MAP3K12: variants seen among roughly 807,000 people sequenced by gnomAD.
MAP3K12 encodes the protein MAPK-upstream kinase.
MAP3K12 carries 14 observed loss-of-function variants against 87.5 expected under a neutral mutation model. That is an observed-to-expected ratio of 0.16 (90% confidence interval 0.11 to 0.25). MAP3K12 has a LOEUF of 0.25. Among genes scored for constraint, MAP3K12 ranks in the 10% least tolerant of loss-of-function variants. The probability of loss-of-function intolerance (pLI) is 1.00; values close to 1 mark genes in which losing one functional copy is unlikely to be tolerated. For synonymous variants in MAP3K12, 469 were observed against 452.5 expected (o/e 1.04, Z -0.46); for missense variants, 802 against 1,140.4 (o/e 0.70, Z 4.27).
chr12:53,501,413 G>A (rs1468741558), upstream of MAP3K12: 6 of 1,565,646 alleles, frequency 3.8e-6, no homozygotes, highest in African/African-American at 1.4e-5. Context: ...GAGGGAATGA[G>A]TGAAGAGGAG....
Position 53,483,894 on chromosome 12 carries a change from C to T in MAP3K12, c.1358+17G>A. On this transcript the variant is annotated intron_variant, in intron 8 of 13. Coordinates refer to ENST00000547488, the MANE Select transcript of MAP3K12 (RefSeq NM_001193511.2). The stretch of plus-strand genomic sequence containing the variant: ...CTTGCTGTTAGTAAAATCACCTCCC[C>T]AAGCACGGGAACTCACCTGAGCTCC... The T allele has an allele frequency of 6.2e-7, 1 of 1,613,636 alleles. No homozygotes were observed. Among genetic ancestry groups the T allele is most frequent in the Middle Eastern group, 1.7e-4 (1 of 6,060 alleles).
At chr12:53,495,260 A>T (rs757728945) in intron 1 of MAP3K12, among the ~76,000 whole-genome samples, 4 of 136,422 alleles carry the variant, frequency 2.9e-5, no homozygotes, top group Non-Finnish European at 4.6e-5. Context: ...AATGGCGTGA[A>T]CCCAGGGGGC....
At chr12:53,489,743 ACT>A (rs1049200547) in intron 1 of MAP3K12, among the ~76,000 whole-genome samples, 1 of 151,992 alleles carries the variant, frequency 6.6e-6, no homozygotes, top group Non-Finnish European at 1.5e-5. Context: ...GGCTTGGGAA[ACT>A]CTGATAGTTC....
upstream of MAP3K12, chr12:53,501,302 C>A: frequency 7.6e-7 from 1 of 1,309,834 alleles, no homozygotes; most frequent in Non-Finnish European, 1.1e-6. Flanking sequence ...CGCGGCGGGC[C>A]CTACCGGCCG....
rs1282381373 is a variant in MAP3K12 at position 53,487,125 on chromosome 12, C to T, written c.267G>A (p.Gly89=). 6.2e-6 allele frequency: 10 copies of T among 1,614,036 alleles called. No individual in the cohort carries two copies. The highest frequency in any genetic ancestry group is 1.3e-5 in the African/African-American group (1 of 75,012). The change falls in exon 2 of 14, where the codon GGG becomes GGA. Residue 89 remains glycine, a synonymous_variant. Transcript: ENST00000547488. ...SVLQLHEQDA[G]GPGGAAGSPE... is the part of the protein sequence containing the mutation. Reference sequence around the variant, plus strand: ...GTGACCCAGCTGCTCCCCCTGGGCCCCCTGCATCCTGCTCATGTAGCTGCA... The same window carrying T: ...GTGACCCAGCTGCTCCCCCTGGGCCTCCTGCATCCTGCTCATGTAGCTGCA...
At position 53,480,425 on chromosome 12, in the gene MAP3K12, G is replaced by T. The variant is rs944254950; in HGVS notation, c.*757C>A. Reference sequence around the variant, plus strand: ...TCTCCAGACACCTCAGATAAAGTCCGGAGCCCAAGGCTTTATCTTAACCAT... The same window carrying T: ...TCTCCAGACACCTCAGATAAAGTCCTGAGCCCAAGGCTTTATCTTAACCAT... On this transcript the variant is annotated 3_prime_UTR_variant, in exon 14 of 14. Transcript: ENST00000547488. 4 of 152,408 alleles carry T rather than the reference G, an allele frequency of 2.6e-5. No homozygotes were observed. Among genetic ancestry groups the T allele is most frequent in the African/African-American group, 7.2e-5 (3 of 41,388 alleles). 9.4% of individuals were successfully genotyped at this position (152,408 alleles called of 1,614,324 possible).
rs560143827 is a variant in MAP3K12 at position 53,496,979 on chromosome 12, C to T, written c.-38+2448G>A. Among the ~76,000 whole-genome samples, 8 of 152,280 alleles carry T rather than the reference C, an allele frequency of 5.3e-5. No homozygotes were observed. In the South Asian group the frequency reaches 1.7e-3, roughly 32 times the overall value. The stretch of plus-strand genomic sequence containing the variant: ...CAGTTTCTTCATTGCTAAACGGGGA[C>T]AGTGGTACCTATGTCCCACAGTGGC... On this transcript the variant is annotated intron_variant, in intron 1 of 13. Transcript: ENST00000547488.
intron 1 of MAP3K12, 140 bp from the exon 2 acceptor site, chr12:53,487,568 A>C: frequency 1.3e-6 from 1 of 781,232 alleles, no homozygotes; most frequent in Non-Finnish European, 2.0e-6. Context: ...TCCGTTTCCC[A>C]TGGCCCTCCA....
chr12:53,485,284 C>A (rs375276863), intron 5 of MAP3K12, 33 bp downstream of exon 5: 3 of 1,606,568 alleles, frequency 1.9e-6, no homozygotes, highest in Non-Finnish European at 2.6e-6. Context: ...GGGCTGGCCA[C>A]CCACTCTTCT....
At position 53,485,579 on chromosome 12, in the gene MAP3K12, G is replaced by T. The variant is rs561277501; in HGVS notation, c.822-104C>A. 38 of 1,269,814 alleles carry T rather than the reference G, an allele frequency of 3.0e-5. No homozygotes were observed. The African/African-American group carries it at 4.0e-4, about 13-fold the overall frequency. 78.7% of individuals were successfully genotyped at this position (1,269,814 alleles called of 1,614,324 possible). A position where few individuals can be genotyped will look rare whatever the true frequency, so the allele number is the denominator to read the frequency against. Reference sequence around the variant, plus strand: ...GTTTTTTTGTTTGTTTGTTTGAGACGGAGTCTCACTCTGTCACTCAGGCTG... The same window carrying T: ...GTTTTTTTGTTTGTTTGTTTGAGACTGAGTCTCACTCTGTCACTCAGGCTG... On this transcript the variant is annotated intron_variant, in intron 4 of 13. Coordinates refer to ENST00000547488, the MANE Select transcript of MAP3K12 (RefSeq NM_001193511.2).
At position 53,483,971 on chromosome 12, in the gene MAP3K12, T is replaced by C; in HGVS notation, c.1298A>G (p.Glu433Gly). The change falls in exon 8 of 14, where the codon GAA becomes GGA. Residue 433 changes from glutamate to glycine, a missense_variant. Glu to Gly is a moderately conservative substitution (Grantham distance 98). This residue lies in a region of MAP3K12 where 99 missense variants were observed against 193.4 expected (regional missense o/e 0.51). Coordinates refer to ENST00000547488, the MANE Select transcript of MAP3K12 (RefSeq NM_001193511.2). ...TTCTAGGCGGTGCAGACAGGTCCCT[T>C]CTGACTTAATCTTTTCAAAGTGCAG... ...VKLHFEKIKSEGTCLHRLEEE... is the reference protein window; with the variant it reads ...VKLHFEKIKSGGTCLHRLEEE... 1 of 1,614,096 alleles carries C rather than the reference T, an allele frequency of 6.2e-7. No homozygotes were observed. The highest frequency in any genetic ancestry group is 8.5e-7 in the Non-Finnish European group (1 of 1,179,992).
Position 53,479,671 on chromosome 12 carries a change from G to GTTTTTTTTTTTTTTGTT in MAP3K12, c.*1510_*1511insAACAAAAAAAAAAAAAA. The GTTTTTTTTTTTTTTGTT allele has an allele frequency of 2.0e-5, 4 of 202,196 alleles. No homozygotes were observed. The highest frequency in any genetic ancestry group is 6.8e-5 in the Admixed American group (1 of 14,812). The allele number at this position is 202,196 out of a possible 1,614,324, so 12.5% of individuals were successfully genotyped here. On this transcript the variant is annotated 3_prime_UTR_variant, in exon 14 of 14. Transcript: ENST00000547488. ...ATTTAGTTTTATAAGCTTCTCCCTG[G>GTTTTTTTTTTTTTTGTT]TTTTTTTTTTTTGGCTCATGAATTT... is the stretch of plus-strand genomic sequence containing the variant.
rs752970765 is a variant in MAP3K12, at chr12:53,482,831, C to G, written c.1972G>C (p.Ala658Pro). ...SAALGSRGRG[A>P]TGGAGDPGSP... ...CCAGGATCCCCAGCTCCGCCTGTGG[C>G]CCCCCGGCCCCGGGACCCTAGTGCT... The change falls in exon 11 of 14, where the codon GCC becomes CCC. Residue 658 changes from alanine (A) to proline (P), a missense_variant. Coordinates refer to ENST00000547488, the MANE Select transcript of MAP3K12 (RefSeq NM_001193511.2). 6 of 1,609,516 alleles carry G rather than the reference C, an allele frequency of 3.7e-6. No individual in the cohort carries two copies. The highest frequency in any genetic ancestry group is 5.1e-6 in the Non-Finnish European group (6 of 1,177,386).
At chr12:53,484,721 C>A in intron 6 of MAP3K12, 1 of 451,522 alleles carries the variant, frequency 2.2e-6, no homozygotes, top group Non-Finnish European at 4.0e-6. Context: ...GGGGTCCTTT[C>A]CTTCTGTGTT....
rs929637464 is a variant in MAP3K12, at chr12:53,495,590, C to G, written c.-38+3837G>C. Reference sequence around the variant, plus strand: ...AAAATTGTAGAGACCATGTCTCATTCTGTTGCCCAGGCTGGTTCCAAACTC... The same window carrying G: ...AAAATTGTAGAGACCATGTCTCATTGTGTTGCCCAGGCTGGTTCCAAACTC... On this transcript the variant is annotated intron_variant, in intron 1 of 13. Transcript: ENST00000547488. 2.7e-5 allele frequency among the ~76,000 whole-genome samples: 4 copies of G among 145,954 alleles called. No individual in the cohort carries two copies. In the Admixed American group the frequency reaches 2.7e-4, roughly 10 times the overall value.
rs1943057053 is a variant in MAP3K12, at chr12:53,481,767, G to A, written c.2580+174C>T. ...TAGCTACATGCAAGCTACTGGTCAG[G>A]CATCGTAATAGATGCTCTGTGCAAG... is the stretch of plus-strand genomic sequence containing the variant. On this transcript the variant is annotated intron_variant, in intron 13 of 13. Coordinates refer to ENST00000547488, the MANE Select transcript of MAP3K12 (RefSeq NM_001193511.2). 4.6e-5 allele frequency: 33 copies of A among 714,454 alleles called. 1 individual carries two copies. In the South Asian group the frequency reaches 6.6e-4, roughly 14 times the overall value. 44.3% of individuals were successfully genotyped at this position (714,454 alleles called of 1,614,324 possible).
intron 13 of MAP3K12, 31 bp downstream of exon 13, chr12:53,481,910 A>C: frequency 6.2e-7 from 1 of 1,601,548 alleles, no homozygotes; most frequent in Non-Finnish European, 8.5e-7. Flanking sequence ...CTCCCTGTTC[A>C]ATATCTGCTT....
intron 5 of MAP3K12, 34 bp from the exon 6 acceptor site, chr12:53,485,248 C>T: frequency 6.2e-7 from 1 of 1,601,502 alleles, no homozygotes; most frequent in Non-Finnish European, 8.5e-7. Context: ...GTGCTCAAGC[C>T]CTAGAAGTTG....
Position 53,487,366 on chromosome 12 carries a change from G to A in MAP3K12, c.26C>T (p.Thr9Ile), listed in dbSNP as rs778076244. Reference protein sequence around the residue: MACLHETRTPSPSFGGFVS... With the variant: MACLHETRIPSPSFGGFVS... ...AAAGCCCCCAAAGGAAGGAGAGGGTGTTCGGGTCTCATGGAGGCAAGCCAT... is the reference window on the plus strand; with the variant it reads ...AAAGCCCCCAAAGGAAGGAGAGGGTATTCGGGTCTCATGGAGGCAAGCCAT... Residue 9 changes from threonine to isoleucine, a missense_variant, in exon 2 of 14, where the codon ACA becomes ATA. Thr to Ile is a moderately conservative substitution (Grantham distance 89). Coordinates refer to ENST00000547488, the MANE Select transcript of MAP3K12 (RefSeq NM_001193511.2). 10 of 1,613,024 alleles carry A rather than the reference G, an allele frequency of 6.2e-6. No homozygotes were observed. Among genetic ancestry groups the A allele is most frequent in the Non-Finnish European group, 8.5e-6 (10 of 1,179,374 alleles).
Sources: allele counts gnomAD v4.1 joint callset (sites outside exome capture counted in the v4.1 genomes callset), GRCh38; gene constraint gnomAD v4.1.1; regional missense constraint gnomAD v4.1.1; transcripts MANE v1.5; gene names NCBI Gene and HGNC (gene_info 2026-07-23, HGNC 2026-07-21).